The following ARHGEF10 variants were observed in gnomAD, a reference collection of about 807,000 sequenced individuals.
The protein encoded by ARHGEF10 is Rho guanine nucleotide exchange factor 10.
Under a neutral mutation model 147.4 loss-of-function variants are expected in ARHGEF10, and 140 were observed. The observed-to-expected ratio is 0.95, with a 90% CI of 0.83 to 1.09. The LOEUF is 1.09. ARHGEF10 is among the 50% of genes least tolerant of loss of function. ARHGEF10 has a pLI of 0.00. For missense variants in ARHGEF10, 2,222 were observed against 1,752.7 expected (o/e 1.27, Z -4.78); for synonymous variants, 902 against 695.8 (o/e 1.30, Z -4.67).
At chr8:1,829,218 G>GTTAA (rs1405794627) in intron 1 of ARHGEF10, among the ~76,000 whole-genome samples, 2 of 152,252 alleles carry the variant, frequency 1.3e-5, no homozygotes, top group Non-Finnish European at 2.9e-5. Context: ...GAGCTCCAGA[G>GTTAA]TTAATGACCC....
chr8:1,903,221 CTG>C (rs1810614058), intron 15 of ARHGEF10, 58 bp from the exon 16 acceptor site: 6 of 1,596,738 alleles, frequency 3.8e-6, no homozygotes, highest in Non-Finnish European at 4.3e-6. Context: ...GGTGACGCGA[CTG>C]TTGTTGCACT....
Position 1,956,993 on chromosome 8 carries a change from C to T in ARHGEF10, c.3765C>T (p.Asp1255=), listed in dbSNP as rs371908131. ...TGGGATCGATGACTCAGAAAAGCGA[C>T]CTGTCCTCCTCATCTGGGTCCCTGA... ...DSLGSMTQKS[D]LSSSSGSLSL... Residue 1255 remains aspartate (D), a synonymous_variant, in exon 29 of 29, where the codon GAC becomes GAT. Coordinates refer to ENST00000349830, the MANE Select transcript of ARHGEF10 (RefSeq NM_014629.4). 9 of 1,614,022 alleles carry T rather than the reference C, an allele frequency of 5.6e-6. No individual in the cohort carries two copies. The African/African-American group carries it at 6.7e-5, about 12-fold the overall frequency.
At chr8:1,892,672 G>C (rs1022075877) in intron 11 of ARHGEF10, among the ~76,000 whole-genome samples, 1 of 128,872 alleles carries the variant, frequency 7.8e-6, no homozygotes, top group African/African-American at 3.0e-5. Flanking sequence ...GTGCGCGCAC[G>C]TGTGTGTTAT....
intron 26 of ARHGEF10, 70 bp from the exon 27 acceptor site, chr8:1,945,411 A>AC: frequency 1.3e-6 from 2 of 1,534,642 alleles, no homozygotes; most frequent in East Asian, 4.9e-5. Flanking sequence ...GCTGGACGCC[A>AC]CGTGGACCCA....
chr8:1,877,350 C>G (rs921650468), intron 8 of ARHGEF10, among the ~76,000 whole-genome samples: 1 of 152,150 alleles, frequency 6.6e-6, no homozygotes, highest in African/African-American at 2.4e-5. Flanking sequence ...GCCTCAGCCT[C>G]CCAAGTAGCT....
At chr8:1,933,706 G>T (rs951261433) in intron 25 of ARHGEF10, 94 bp from the exon 26 acceptor site, 1 of 1,453,842 alleles carries the variant, frequency 6.9e-7, no homozygotes, top group African/African-American at 1.4e-5. Flanking sequence ...GTGATCCTTC[G>T]GGTGTCAGTT....
At chr8:1,871,545 C>T (rs536192123) in intron 7 of ARHGEF10, among the ~76,000 whole-genome samples, 3 of 152,096 alleles carry the variant, frequency 2.0e-5, no homozygotes, top group South Asian at 2.1e-4. Flanking sequence ...ACAGAATGGG[C>T]GCGGTGGCTC....
At chr8:1,928,739 CTT>C in intron 24 of ARHGEF10, 89 bp downstream of exon 24, 1 of 1,455,296 alleles carries the variant, frequency 6.9e-7, no homozygotes, top group Admixed American at 1.9e-5. Context: ...GAGTCCTTGA[CTT>C]TGACTCAGGA....
intron 11 of ARHGEF10, among the ~76,000 whole-genome samples, chr8:1,892,539 A>G (rs895199621): frequency 6.6e-6 from 1 of 151,902 alleles, no homozygotes; most frequent in African/African-American, 2.4e-5. Context: ...CCGTTGTGAA[A>G]AATGCTCTTT....
At chr8:1,880,192 C>G (rs747146768) in intron 9 of ARHGEF10, 28 bp downstream of exon 9, 2 of 1,527,342 alleles carry the variant, frequency 1.3e-6, no homozygotes, top group African/African-American at 1.4e-5. Flanking sequence ...GCCGCTGCCC[C>G]CACTTGCCAG....
chr8:1,888,326 T>TGAGG (rs1808958902), intron 11 of ARHGEF10, among the ~76,000 whole-genome samples: 5 of 62,118 alleles, frequency 8.0e-5, no homozygotes, highest in African/African-American at 3.3e-4. Context: ...CTGAGTGGGA[T>TGAGG]GTTGACTGTG....
intron 15 of ARHGEF10, among the ~76,000 whole-genome samples, chr8:1,902,065 G>C (rs1810508016): frequency 6.6e-6 from 1 of 151,922 alleles, no homozygotes; most frequent in African/African-American, 2.4e-5. Flanking sequence ...CTGTGCCATG[G>C]TGGGCTGCTG....
intron 18 of ARHGEF10, among the ~76,000 whole-genome samples, chr8:1,920,449 A>G (rs1040143310): frequency 6.6e-6 from 1 of 151,904 alleles, no homozygotes; most frequent in Non-Finnish European, 1.5e-5. Context: ...CAGCCTCCCA[A>G]GTATTTGGGA....
At chr8:1,842,529 C>G (rs530330565) in intron 1 of ARHGEF10, among the ~76,000 whole-genome samples, 1 of 152,202 alleles carries the variant, frequency 6.6e-6, no homozygotes, top group Admixed American at 6.5e-5. Context: ...ACTCAGGGAC[C>G]ATGCCCCCTG....
chr8:1,860,689 G>A (rs1168432999), intron 4 of ARHGEF10, among the ~76,000 whole-genome samples: 1 of 152,188 alleles, frequency 6.6e-6, no homozygotes, highest in Non-Finnish European at 1.5e-5. Context: ...TGTCTGGGGT[G>A]CCTTGAACTT....
intron 13 of ARHGEF10, among the ~76,000 whole-genome samples, chr8:1,895,480 A>G (rs932956818): frequency 6.6e-6 from 1 of 152,182 alleles, no homozygotes; most frequent in African/African-American, 2.4e-5. Flanking sequence ...AAATATGGAA[A>G]CAAAATTCTT....
chr8:1,844,373 C>T (rs1169102988), intron 2 of ARHGEF10, among the ~76,000 whole-genome samples: 1 of 152,062 alleles, frequency 6.6e-6, no homozygotes. Context: ...CAGGAGAATC[C>T]AGGGGTCACC....
chr8:1,858,448 AG>A (rs1268942606), intron 3 of ARHGEF10, among the ~76,000 whole-genome samples: 1 of 152,184 alleles, frequency 6.6e-6, no homozygotes, highest in African/African-American at 2.4e-5. Flanking sequence ...AGATTGGCTA[AG>A]TTTCTTCTCT....
intron 26 of ARHGEF10, among the ~76,000 whole-genome samples, chr8:1,943,408 T>A (rs1262132996): frequency 2.0e-5 from 3 of 152,062 alleles, no homozygotes; most frequent in African/African-American, 7.2e-5. Context: ...GTCAGGGAAG[T>A]GTGGGCCTGC....
Sources: allele counts gnomAD v4.1 joint callset (sites outside exome capture counted in the v4.1 genomes callset), GRCh38; gene constraint gnomAD v4.1.1; transcripts MANE v1.5; gene names NCBI Gene and HGNC (gene_info 2026-07-23, HGNC 2026-07-21).